The following IPO11 variants were observed in gnomAD, a reference collection of about 807,000 sequenced individuals.
IPO11 encodes importin-11.
In IPO11, 66 loss-of-function variants were observed where a neutral mutation model predicts 143.2. The ratio of observed to expected loss-of-function variants is 0.46; its 90% CI spans 0.38 to 0.57. The LOEUF is 0.57. IPO11 is among the 20% of genes least tolerant of loss of function. The pLI is 0.00. For missense variants in IPO11, 1,026 were observed against 1,141.0 expected, an observed-to-expected ratio of 0.90 and a Z score of 1.45; for synonymous variants, 385 against 377.8, an observed-to-expected ratio of 1.02 and a Z score of -0.22.
chr5:62,506,824 C>G (rs936443358), intron 19 of IPO11, among the ~76,000 whole-genome samples: 4 of 152,166 alleles, frequency 2.6e-5, no homozygotes, highest in African/African-American at 9.6e-5. Context: ...CACTCTGAAT[C>G]TTTGTGGAAA....
At chr5:62,550,513 G>T in intron 25 of IPO11, 51 bp downstream of exon 25, 1 of 1,175,252 alleles carries the variant, frequency 8.5e-7, no homozygotes, top group Non-Finnish European at 1.2e-6. Context: ...TAGGATTCTA[G>T]TTTTAATTAC....
At chr5:62,484,314 A>G (rs1459824604) in intron 11 of IPO11, 152 bp downstream of exon 11, 4 of 586,380 alleles carry the variant, frequency 6.8e-6, no homozygotes, top group Non-Finnish European at 1.1e-5. Context: ...GTTGTTATCC[A>G]TTAGAACAAA....
At chr5:62,460,037 C>G (rs539933204) in intron 5 of IPO11, among the ~76,000 whole-genome samples, 1 of 152,062 alleles carries the variant, frequency 6.6e-6, no homozygotes, top group Admixed American at 6.5e-5. Context: ...TGCTTTCTGA[C>G]TTTTTTTGAG....
At chr5:62,608,757 T>C (rs531133554) in intron 29 of IPO11, among the ~76,000 whole-genome samples, 1 of 152,366 alleles carries the variant, frequency 6.6e-6, no homozygotes, top group South Asian at 2.1e-4. Flanking sequence ...TGACCCTACA[T>C]TGACACATCA....
intron 29 of IPO11, among the ~76,000 whole-genome samples, chr5:62,612,503 GA>G (rs1745960904): frequency 6.6e-6 from 1 of 152,184 alleles, no homozygotes; most frequent in Non-Finnish European, 1.5e-5. Flanking sequence ...ATTGAATGCA[GA>G]AATAGATACG....
At chr5:62,623,439 C>A (rs1334136680) in intron 29 of IPO11, among the ~76,000 whole-genome samples, 1 of 152,034 alleles carries the variant, frequency 6.6e-6, no homozygotes, top group African/African-American at 2.4e-5. Context: ...GAAATTGTTA[C>A]CAGAAAGCAG....
intron 29 of IPO11, among the ~76,000 whole-genome samples, chr5:62,625,235 G>A (rs1231156567): frequency 6.6e-6 from 1 of 152,162 alleles, no homozygotes; most frequent in Non-Finnish European, 1.5e-5. Flanking sequence ...AAAGAAATTT[G>A]TAAGTAGCCC....
intron 1 of IPO11, among the ~76,000 whole-genome samples, chr5:62,417,238 G>A (rs1475978181): frequency 6.7e-6 from 1 of 148,618 alleles, no homozygotes; most frequent in East Asian, 2.0e-4. Context: ...TACTACTTGT[G>A]TGTGCCACCA....
intron 1 of IPO11, among the ~76,000 whole-genome samples, chr5:62,432,894 C>T (rs775907000): frequency 1.3e-5 from 2 of 152,164 alleles, no homozygotes; most frequent in Non-Finnish European, 2.9e-5. Context: ...TGAATTTACT[C>T]TGTTGGTTAA....
chr5:62,494,329 AT>A (rs1741052374), intron 16 of IPO11, among the ~76,000 whole-genome samples: 1 of 152,144 alleles, frequency 6.6e-6, no homozygotes, highest in Admixed American at 6.5e-5. Context: ...TGAAAAAAAA[AT>A]TAAGCTCTAC....
chr5:62,562,903 C>G (rs979991931), intron 27 of IPO11, among the ~76,000 whole-genome samples: 2 of 152,090 alleles, frequency 1.3e-5, no homozygotes, highest in Non-Finnish European at 1.5e-5. Flanking sequence ...TAAAACAGCC[C>G]GATGAGGTAT....
At chr5:62,513,019 A>T (rs1158524835) in intron 19 of IPO11, among the ~76,000 whole-genome samples, 14 of 150,134 alleles carry the variant, frequency 9.3e-5, no homozygotes, top group Non-Finnish European at 1.5e-4. Context: ...CTGATTTCTC[A>T]ATCTTTTCCC....
intron 5 of IPO11, among the ~76,000 whole-genome samples, chr5:62,461,039 C>T (rs774002572): frequency 6.6e-6 from 1 of 151,994 alleles, no homozygotes; most frequent in Non-Finnish European, 1.5e-5. Context: ...CCTGCTTTTA[C>T]TGAAAGGTAA....
At chr5:62,482,083 G>A (rs1001198052) in intron 9 of IPO11, among the ~76,000 whole-genome samples, 9 of 152,176 alleles carry the variant, frequency 5.9e-5, no homozygotes, top group Admixed American at 2.6e-4. Flanking sequence ...GCTTAGAAGT[G>A]TTTACAGTGT....
intron 5 of IPO11, among the ~76,000 whole-genome samples, chr5:62,458,794 A>G (rs1368015335): frequency 6.6e-6 from 1 of 152,178 alleles, no homozygotes; most frequent in African/African-American, 2.4e-5. Context: ...TTCAAAAGAA[A>G]AGAGCTGTGC....
intron 1 of IPO11, among the ~76,000 whole-genome samples, chr5:62,434,602 T>C (rs1051986515): frequency 6.6e-6 from 1 of 152,068 alleles, no homozygotes; most frequent in Non-Finnish European, 1.5e-5. Context: ...CACCTGGCCA[T>C]GAGATGTGCT....
At chr5:62,577,426 GT>G (rs1411733656) in intron 27 of IPO11, among the ~76,000 whole-genome samples, 1 of 152,012 alleles carries the variant, frequency 6.6e-6, no homozygotes, top group African/African-American at 2.4e-5. Context: ...TACTTTGTGG[GT>G]TTTTTCTCTT....
chr5:62,604,187 A>G (rs1745613720), intron 29 of IPO11, among the ~76,000 whole-genome samples: 1 of 152,112 alleles, frequency 6.6e-6, no homozygotes, highest in Non-Finnish European at 1.5e-5. Context: ...TTTCCTTTGA[A>G]ATTAAACTGT....
intron 27 of IPO11, among the ~76,000 whole-genome samples, chr5:62,588,434 T>C (rs1243481821): frequency 1.3e-5 from 2 of 152,176 alleles, no homozygotes; most frequent in African/African-American, 2.4e-5. Context: ...GGTCTCACTT[T>C]GTTGCCTAGG....
Sources: gnomAD v4.1 joint callset for allele counts (sites outside exome capture counted in the v4.1 genomes callset) on GRCh38, gnomAD v4.1.1 for gene constraint, MANE v1.5 for transcripts, NCBI Gene and HGNC (gene_info 2026-07-23, HGNC 2026-07-21) for gene names.